Variants in SAMTOR observed in about 807,000 individuals in gnomAD.
SAMTOR encodes UPF0532 protein C7orf60.
the SAMTOR span, among the ~76,000 whole-genome samples, chr7:112,882,769 A>T: frequency 0.016 from 1,895 of 118,802 alleles, 25 homozygotes; most frequent in East Asian, 0.039. Flanking sequence ...CTTTTTTTAA[A>T]AAAAAAAAAA....
At chr7:112,915,518 C>T in the SAMTOR span, 1 of 1,243,470 alleles carries the variant, frequency 8.0e-7, no homozygotes, top group East Asian at 2.8e-5. Context: ...AGTTTTAGCA[C>T]AATCTGAAAT....
the SAMTOR span, among the ~76,000 whole-genome samples, chr7:112,906,940 TTAATG>T: frequency 6.6e-6 from 1 of 152,102 alleles, no homozygotes; most frequent in East Asian, 1.9e-4. Context: ...TTATGAAAAA[TTAATG>T]TAATCTCAAT....
At chr7:112,877,820 G>A in the SAMTOR span, among the ~76,000 whole-genome samples, 10 of 152,138 alleles carry the variant, frequency 6.6e-5, no homozygotes, top group East Asian at 5.9e-4. Context: ...GCAACTCCCC[G>A]AAGTCCCCCA....
chr7:112,888,304 G>A, the SAMTOR span, among the ~76,000 whole-genome samples: 1 of 152,076 alleles, frequency 6.6e-6, no homozygotes, highest in Admixed American at 6.6e-5. Flanking sequence ...TCTGTATAAT[G>A]ATCTATCTTT....
chr7:112,912,680 T>TAA, the SAMTOR span, among the ~76,000 whole-genome samples: 1 of 147,480 alleles, frequency 6.8e-6, no homozygotes, highest in Non-Finnish European at 1.5e-5. Context: ...CTTCTGATAG[T>TAA]AAAAAAAAAA....
At chr7:112,908,709 AT>A in the SAMTOR span, among the ~76,000 whole-genome samples, 1 of 152,174 alleles carries the variant, frequency 6.6e-6, no homozygotes, top group Non-Finnish European at 1.5e-5. Context: ...GAATTTGTTT[AT>A]TTTTGCAAAA....
the SAMTOR span, among the ~76,000 whole-genome samples, chr7:112,871,444 G>C: frequency 1.3e-5 from 2 of 151,956 alleles, 1 homozygote; most frequent in Admixed American, 1.3e-4. Flanking sequence ...ATGAAATTAA[G>C]GCATAAATCA....
chr7:112,838,652 A>G, the SAMTOR span, among the ~76,000 whole-genome samples: 2 of 151,872 alleles, frequency 1.3e-5, no homozygotes, highest in African/African-American at 4.8e-5. Flanking sequence ...AATCTAGTTA[A>G]ATGTCAAATA....
chr7:112,895,181 T>C, the SAMTOR span, among the ~76,000 whole-genome samples: 2 of 151,626 alleles, frequency 1.3e-5, no homozygotes, highest in East Asian at 3.9e-4. Context: ...GAATTACATA[T>C]TGTTATATAA....
the SAMTOR span, among the ~76,000 whole-genome samples, chr7:112,919,711 TAAA>T: frequency 1.3e-5 from 2 of 150,402 alleles, no homozygotes; most frequent in South Asian, 4.2e-4. Context: ...GCAAGACTAA[TAAA>T]GAAGAAAAGA....
chr7:112,881,115 T>C, the SAMTOR span, among the ~76,000 whole-genome samples: 1 of 152,188 alleles, frequency 6.6e-6, no homozygotes, highest in African/African-American at 2.4e-5. Context: ...CACTCCAATT[T>C]CAGAGCAAAG....
the SAMTOR span, among the ~76,000 whole-genome samples, chr7:112,894,629 G>A: frequency 1.3e-5 from 2 of 152,040 alleles, no homozygotes; most frequent in African/African-American, 2.4e-5. Flanking sequence ...AAGCTAAAGG[G>A]GAAACTCCTT....
chr7:112,855,611 A>G, the SAMTOR span, among the ~76,000 whole-genome samples: 2 of 152,034 alleles, frequency 1.3e-5, no homozygotes, highest in African/African-American at 4.8e-5. Context: ...TATTTCTTAG[A>G]TCACTGCCCC....
At chr7:112,845,041 C>G in the SAMTOR span, among the ~76,000 whole-genome samples, 1 of 152,108 alleles carries the variant, frequency 6.6e-6, no homozygotes, top group African/African-American at 2.4e-5. Context: ...TGGCCCTATG[C>G]AGAAGATTGA....
chr7:112,825,631 TAC>T, the SAMTOR span, among the ~76,000 whole-genome samples: 4 of 152,224 alleles, frequency 2.6e-5, no homozygotes, highest in East Asian at 1.9e-4. Flanking sequence ...CACCTGTGAA[TAC>T]AGTTTTACTT....
chr7:112,931,289 A>C, the SAMTOR span, among the ~76,000 whole-genome samples: 1 of 151,966 alleles, frequency 6.6e-6, no homozygotes, highest in Admixed American at 6.6e-5. Context: ...CAACCTTAAG[A>C]GTCCAATTTA....
the SAMTOR span, among the ~76,000 whole-genome samples, chr7:112,876,766 T>G: frequency 5.6e-4 from 86 of 152,326 alleles, no homozygotes; most frequent in African/African-American, 2.0e-3. Context: ...TGGCATAATA[T>G]TCAAAGCTCT....
chr7:112,825,385 T>A, the SAMTOR span, among the ~76,000 whole-genome samples: 1 of 152,182 alleles, frequency 6.6e-6, no homozygotes, highest in East Asian at 1.9e-4. Context: ...TTTCTACTTT[T>A]GTCAGATTTA....
chr7:112,852,208 C>G, the SAMTOR span, among the ~76,000 whole-genome samples: 1 of 152,054 alleles, frequency 6.6e-6, no homozygotes, highest in Non-Finnish European at 1.5e-5. Flanking sequence ...CAACTTGTAT[C>G]CATCAATAAA....
Sources: allele counts gnomAD v4.1 joint callset (sites outside exome capture counted in the v4.1 genomes callset), GRCh38; gene constraint gnomAD v4.1.1; transcripts MANE v1.5; gene names NCBI Gene and HGNC (gene_info 2026-07-23, HGNC 2026-07-21).